Variants in NELL1 observed in about 807,000 individuals in gnomAD.
NELL1 encodes the protein protein kinase C-binding protein NELL1.
NELL1 carries 76 observed loss-of-function variants against 107.4 expected under a neutral mutation model. The ratio of observed to expected loss-of-function variants is 0.71; its 90% confidence interval spans 0.59 to 0.86. The LOEUF (loss-of-function observed/expected upper bound fraction) is 0.86, where lower values mean the gene tolerates loss of function less well. NELL1 is among the 40% of genes least tolerant of loss of function. The pLI is 0.00. For missense variants in NELL1, 1,024 were observed against 1,005.5 expected, an observed-to-expected ratio of 1.02 and a Z score of -0.25; for synonymous variants, 353 against 341.2, an observed-to-expected ratio of 1.03 and a Z score of -0.38.
At chr11:20,849,657 T>G (rs1848761409) in intron 4 of NELL1, among the ~76,000 whole-genome samples, 1 of 152,200 alleles carries the variant, frequency 6.6e-6, no homozygotes. Context: ...TGTAAGATCT[T>G]GGAGGGAAAA....
chr11:21,290,847 TA>T (rs1204272138), intron 14 of NELL1, among the ~76,000 whole-genome samples: 1 of 151,798 alleles, frequency 6.6e-6, no homozygotes, highest in African/African-American at 2.4e-5. Context: ...ATCACCAACA[TA>T]AAAAACCAAA....
intron 12 of NELL1, among the ~76,000 whole-genome samples, chr11:21,071,124 G>C (rs1000951523): frequency 1.3e-5 from 2 of 152,090 alleles, no homozygotes; most frequent in African/African-American, 4.8e-5. Context: ...TTTAAATCCT[G>C]CCCCATTCGC....
At chr11:21,311,133 T>C (rs1590826252) in intron 14 of NELL1, among the ~76,000 whole-genome samples, 1 of 152,258 alleles carries the variant, frequency 6.6e-6, no homozygotes, top group East Asian at 1.9e-4. Context: ...AACTGATACA[T>C]TTGTAAAAAG....
chr11:20,802,636 T>G lies in NELL1; in HGVS notation c.335+18806T>G, dbSNP rs564321457. ...ACAGTGGTGAAGGTGAACATCCTTCTCATGTTCCAGATACTGGAGCAAAAG... is the reference window on the plus strand; with the variant it reads ...ACAGTGGTGAAGGTGAACATCCTTCGCATGTTCCAGATACTGGAGCAAAAG... On this transcript the variant is annotated intron_variant, in intron 3 of 19. Transcript: ENST00000357134. Among the ~76,000 whole-genome samples, 5 of 152,334 alleles carry G rather than the reference T, an allele frequency of 3.3e-5. No individual in the cohort carries two copies. The East Asian group carries it at 9.6e-4, about 29-fold the overall frequency.
chr11:21,226,343 A>G lies in NELL1; in HGVS notation c.1427-2989A>G, dbSNP rs1034279721. On this transcript the variant is annotated intron_variant, in intron 13 of 19. Transcript: ENST00000357134. ...CATTATGATATCATTTCCACATTTC[A>G]TGGTTTAGTTTCAGCCACATCCAAA... Among the ~76,000 whole-genome samples, 11 of 152,290 alleles carry G rather than the reference A, an allele frequency of 7.2e-5. 1 individual carries two copies. The highest frequency in any genetic ancestry group is 3.9e-4 in the Admixed American group (6 of 15,306).
chr11:20,900,161 T>C (rs1174984041), intron 5 of NELL1, among the ~76,000 whole-genome samples: 1 of 152,174 alleles, frequency 6.6e-6, no homozygotes, highest in Non-Finnish European at 1.5e-5. Context: ...TTGAATGGCC[T>C]TAGCTGGTAT....
At chr11:20,731,796 C>T (rs1046945458) in intron 2 of NELL1, among the ~76,000 whole-genome samples, 27 of 152,206 alleles carry the variant, frequency 1.8e-4, no homozygotes, top group African/African-American at 5.3e-4. Flanking sequence ...AGCATATGTC[C>T]GGGATTAGCA....
At chr11:20,941,083 GA>G (rs1486441630) in intron 10 of NELL1, among the ~76,000 whole-genome samples, 1 of 152,126 alleles carries the variant, frequency 6.6e-6, no homozygotes, top group Non-Finnish European at 1.5e-5. Context: ...AGGTTGCAGT[GA>G]GCTGAGATTG....
chr11:21,363,155 A>G (rs7104612), intron 14 of NELL1, among the ~76,000 whole-genome samples: 114,933 of 152,022 alleles, frequency 0.76, 43,734 homozygotes, highest in South Asian at 0.83. Flanking sequence ...ATTTCAGGTG[A>G]GAGCTTCCTT....
intron 4 of NELL1, among the ~76,000 whole-genome samples, chr11:20,873,277 C>T (rs1350686059): frequency 2.0e-5 from 3 of 152,092 alleles, no homozygotes; most frequent in Non-Finnish European, 4.4e-5. Flanking sequence ...AGTGATTTCA[C>T]AGGTTAATGC....
chr11:21,077,979 A>G (rs78412061), intron 12 of NELL1, among the ~76,000 whole-genome samples: 3,104 of 152,192 alleles, frequency 0.02, 84 homozygotes, highest in African/African-American at 0.07. Flanking sequence ...AACATTTTAT[A>G]AAGCAGAACC....
chr11:20,679,835 T>A (rs977208984), intron 2 of NELL1, among the ~76,000 whole-genome samples: 4 of 152,208 alleles, frequency 2.6e-5, no homozygotes, highest in African/African-American at 9.6e-5. Context: ...AGGTGATCAA[T>A]AAACATTTTG....
intron 12 of NELL1, among the ~76,000 whole-genome samples, chr11:21,019,160 G>A (rs1406795888): frequency 3.9e-5 from 6 of 152,068 alleles, no homozygotes; most frequent in Non-Finnish European, 8.8e-5. Context: ...TCATGTTCAT[G>A]CTCTTTTAAA....
intron 14 of NELL1, among the ~76,000 whole-genome samples, chr11:21,311,874 A>G (rs1456814164): frequency 2.0e-5 from 3 of 152,178 alleles, no homozygotes; most frequent in Non-Finnish European, 1.5e-5. Context: ...ATGTTGAAAC[A>G]TAATCACAAA....
chr11:20,736,316 A>G (rs1855760072), intron 2 of NELL1, among the ~76,000 whole-genome samples: 1 of 152,186 alleles, frequency 6.6e-6, no homozygotes, highest in Admixed American at 6.5e-5. Context: ...AGCTTCTCCT[A>G]TATGGGCTAC....
intron 14 of NELL1, among the ~76,000 whole-genome samples, chr11:21,313,116 T>G (rs956470622): frequency 2.6e-5 from 4 of 151,998 alleles, no homozygotes; most frequent in African/African-American, 9.7e-5. Context: ...ACAGATCCCT[T>G]GTCAGCTGTC....
intron 13 of NELL1, among the ~76,000 whole-genome samples, chr11:21,173,740 T>G (rs1402806454): frequency 6.6e-6 from 1 of 151,538 alleles, no homozygotes. Context: ...TTGCTTGATA[T>G]GTAGAGGTAT....
intron 15 of NELL1, among the ~76,000 whole-genome samples, chr11:21,416,233 A>T (rs1028299520): frequency 2.6e-5 from 4 of 152,116 alleles, no homozygotes; most frequent in African/African-American, 9.7e-5. Context: ...GAGTAATTTA[A>T]GAAAAGACAG....
chr11:21,498,062 G>C (rs1193416212), intron 15 of NELL1, among the ~76,000 whole-genome samples: 3 of 151,654 alleles, frequency 2.0e-5, no homozygotes, highest in African/African-American at 7.3e-5. Context: ...CAGCCAGGCA[G>C]AAAAGTACAC....
Sources: allele counts gnomAD v4.1 joint callset (sites outside exome capture counted in the v4.1 genomes callset), GRCh38; gene constraint gnomAD v4.1.1; transcripts MANE v1.5; gene names NCBI Gene and HGNC (gene_info 2026-07-23, HGNC 2026-07-21).